Variants in LRP1B observed in about 807,000 individuals in gnomAD.
The protein encoded by LRP1B is low-density lipoprotein receptor-related protein 1B.
Under a neutral mutation model 556.6 loss-of-function variants are expected in LRP1B, and 217 were observed. The observed-to-expected ratio is 0.39, with a 90% CI of 0.35 to 0.44. The LOEUF (loss-of-function observed/expected upper bound fraction) is 0.44, where lower values mean the gene tolerates loss of function less well. Ranked by LOEUF, LRP1B falls within the 20% of genes least tolerant of loss-of-function variation. The pLI is 1.00. For missense variants in LRP1B, 5,053 were observed against 5,620.8 expected, an observed-to-expected ratio of 0.90 and a Z score of 3.23; for synonymous variants, 2,047 against 1,865.8, an observed-to-expected ratio of 1.10 and a Z score of -2.50.
intron 7 of LRP1B, among the ~76,000 whole-genome samples, chr2:141,150,771 C>A (rs1701901313): frequency 1.3e-5 from 2 of 151,816 alleles, no homozygotes; most frequent in Admixed American, 1.3e-4. Context: ...TAGTGTTATC[C>A]TTTGCCTTCC....
chr2:141,537,128 T>A (rs1283479472), intron 2 of LRP1B, among the ~76,000 whole-genome samples: 1 of 152,100 alleles, frequency 6.6e-6, no homozygotes, highest in Admixed American at 6.6e-5. Context: ...AACATTTCTT[T>A]ATCAAATAAC....
intron 2 of LRP1B, among the ~76,000 whole-genome samples, chr2:141,809,583 T>C (rs1696269725): frequency 6.6e-6 from 1 of 152,112 alleles, no homozygotes; most frequent in South Asian, 2.1e-4. Flanking sequence ...ATATTATTAT[T>C]TATAATTTGT....
intron 55 of LRP1B, among the ~76,000 whole-genome samples, chr2:140,498,999 CAT>C (rs1198737385): frequency 2.6e-5 from 4 of 151,892 alleles, no homozygotes; most frequent in South Asian, 2.1e-4. Context: ...TGTCTGATAA[CAT>C]ATGCGCACAC....
At chr2:140,295,903 C>T (rs1274302735) in intron 84 of LRP1B, among the ~76,000 whole-genome samples, 2 of 151,824 alleles carry the variant, frequency 1.3e-5, no homozygotes, top group Admixed American at 1.3e-4. Flanking sequence ...TAGTAATAAT[C>T]CAGGCAAGAG....
chr2:141,633,377 C>T (rs570172689), intron 2 of LRP1B, among the ~76,000 whole-genome samples: 2 of 152,188 alleles, frequency 1.3e-5, no homozygotes, highest in African/African-American at 4.8e-5. Flanking sequence ...GGTCATCACA[C>T]CCTTGAGACA....
intron 66 of LRP1B, among the ~76,000 whole-genome samples, chr2:140,418,531 C>A (rs1685294067): frequency 6.6e-6 from 1 of 152,212 alleles, no homozygotes; most frequent in African/African-American, 2.4e-5. Context: ...GAGATTGCCA[C>A]AAAAGCACTG....
At chr2:141,035,835 G>A (rs994062077) in intron 11 of LRP1B, among the ~76,000 whole-genome samples, 4 of 151,986 alleles carry the variant, frequency 2.6e-5, no homozygotes, top group Admixed American at 1.3e-4. Context: ...TGTAAACTGT[G>A]GATATTTAAA....
At chr2:140,565,768 GA>G (rs1398950304) in intron 43 of LRP1B, among the ~76,000 whole-genome samples, 1 of 152,160 alleles carries the variant, frequency 6.6e-6, no homozygotes, top group Non-Finnish European at 1.5e-5. Context: ...TAGCCACACA[GA>G]AAACTGAAAG....
At chr2:141,061,645 T>C (rs933995475) in intron 8 of LRP1B, among the ~76,000 whole-genome samples, 11 of 151,846 alleles carry the variant, frequency 7.2e-5, no homozygotes, top group Admixed American at 7.2e-4. Flanking sequence ...AGCCATTTGC[T>C]TTTGTTAGCA....
chr2:140,607,656 CACAT>C (rs771943010), intron 41 of LRP1B, among the ~76,000 whole-genome samples: 137 of 74,834 alleles, frequency 1.8e-3, no homozygotes, highest in South Asian at 6.0e-3. Flanking sequence ...CACACACACA[CACAT>C]AGACGTGTGT....
chr2:140,879,793 C>T (rs75894439), intron 25 of LRP1B, among the ~76,000 whole-genome samples: 4,761 of 151,980 alleles, frequency 0.031, 233 homozygotes, highest in African/African-American at 0.11. Flanking sequence ...AAAGAAACTA[C>T]AGTCTACAGA....
At chr2:140,698,107 A>G (rs78908821) in intron 41 of LRP1B, among the ~76,000 whole-genome samples, 4,449 of 152,034 alleles carry the variant, frequency 0.029, 231 homozygotes, top group East Asian at 0.23. Context: ...GACATTCAAC[A>G]TCACGTCATT....
chr2:140,763,977 T>A (rs1414056467), intron 35 of LRP1B, among the ~76,000 whole-genome samples: 1 of 152,136 alleles, frequency 6.6e-6, no homozygotes, highest in Non-Finnish European at 1.5e-5. Context: ...ATTCACTTTG[T>A]AGCCAAGAAA....
intron 2 of LRP1B, among the ~76,000 whole-genome samples, chr2:141,506,522 C>A (rs1683938845): frequency 6.6e-6 from 1 of 152,032 alleles, no homozygotes; most frequent in Admixed American, 6.6e-5. Context: ...TGTTAATCTT[C>A]ACATGAAAGT....
At chr2:141,233,367 G>A (rs1683541898) in intron 5 of LRP1B, among the ~76,000 whole-genome samples, 1 of 152,160 alleles carries the variant, frequency 6.6e-6, no homozygotes, top group Non-Finnish European at 1.5e-5. Flanking sequence ...CTCCTTGTAT[G>A]TTGACAGACC....
At chr2:140,498,473 T>G (rs1385740270) in intron 55 of LRP1B, among the ~76,000 whole-genome samples, 1 of 151,942 alleles carries the variant, frequency 6.6e-6, no homozygotes, top group African/African-American at 2.4e-5. Flanking sequence ...TTACTCCCTT[T>G]TGAATAGTTA....
At chr2:140,431,582 TTAAAG>T (rs1244374195) in intron 66 of LRP1B, among the ~76,000 whole-genome samples, 13 of 152,212 alleles carry the variant, frequency 8.5e-5, no homozygotes, top group Non-Finnish European at 1.8e-4. Flanking sequence ...CTCTTAACTC[TTAAAG>T]TAAATAAATA....
chr2:140,747,598 T>C (rs753010267), intron 35 of LRP1B, among the ~76,000 whole-genome samples: 5 of 152,198 alleles, frequency 3.3e-5, no homozygotes, highest in Middle Eastern at 3.4e-3. Context: ...GGAAAACATG[T>C]GGTATGGGAG....
At chr2:141,864,538 T>C (rs1698343595) in intron 1 of LRP1B, among the ~76,000 whole-genome samples, 1 of 149,534 alleles carries the variant, frequency 6.7e-6, no homozygotes, top group South Asian at 2.1e-4. Flanking sequence ...TCTACCCAAC[T>C]TTATTTTGCA....
Sources: allele counts gnomAD v4.1 joint callset (sites outside exome capture counted in the v4.1 genomes callset), GRCh38; gene constraint gnomAD v4.1.1; transcripts MANE v1.5; gene names NCBI Gene and HGNC (gene_info 2026-07-23, HGNC 2026-07-21).